ZNF37A: variants seen among roughly 807,000 people sequenced by gnomAD.
ZNF37A encodes zinc finger protein 37A, also known as zinc finger protein 37a (KOX 21).
ZNF37A carries 10 observed loss-of-function variants against 12.3 expected under a neutral mutation model. That is an observed-to-expected ratio of 0.82 (90% CI 0.50 to 1.38). The LOEUF is 1.38. Ranked by LOEUF, ZNF37A falls within the 40% of genes most tolerant of loss-of-function variation. The pLI, the probability that ZNF37A is intolerant of heterozygous loss-of-function variation, is 0.00. For missense variants in ZNF37A, 580 were observed against 651.2 expected (o/e 0.89, Z 1.19); for synonymous variants, 207 against 223.0 (o/e 0.93, Z 0.64).
chr10:38,113,029 A>G (rs535465024), intron 5 of ZNF37A, among the ~76,000 whole-genome samples: 14 of 151,944 alleles, frequency 9.2e-5, no homozygotes, highest in Admixed American at 4.6e-4. Context: ...GCTGGTCTTG[A>G]ACTCCTGACC....
intron 7 of ZNF37A, chr10:38,139,484 C>T (rs1034995687): frequency 6.6e-6 from 1 of 152,206 alleles, no homozygotes; most frequent in African/African-American, 2.4e-5. Flanking sequence ...TCTCCTGCCT[C>T]AGCCTCCTGA....
At chr10:38,100,417 C>T (rs923635026) in intron 5 of ZNF37A, among the ~76,000 whole-genome samples, 1 of 152,180 alleles carries the variant, frequency 6.6e-6, no homozygotes, top group African/African-American at 2.4e-5. Flanking sequence ...TTCACCCCTA[C>T]AGCCTACAGA....
chr10:38,110,388 G>A (rs1381196323), intron 5 of ZNF37A, among the ~76,000 whole-genome samples: 1 of 151,966 alleles, frequency 6.6e-6, no homozygotes, highest in African/African-American at 2.4e-5. Flanking sequence ...AAACCCTAGA[G>A]GAAAACCTAG....
At position 38,114,746 on chromosome 10, in the gene ZNF37A, A is replaced by AT. The variant is rs752681795; in HGVS notation, c.16-5dup. ...TCACTTCAGACTGAGCAAAATTGTG[A>AT]TTTTCCAGGGATCAGTGTCGTTTAG... On this transcript the variant is annotated splice_polypyrimidine_tract_variant and intron_variant, in intron 5 of 7. Coordinates refer to ENST00000685332, the MANE Select transcript of ZNF37A (RefSeq NM_001324250.3). 2 of 1,613,958 alleles carry AT rather than the reference A, an allele frequency of 1.2e-6. No individual in the cohort carries two copies. The highest frequency in any genetic ancestry group is 1.7e-5 in the Admixed American group (1 of 59,968).
In ZNF37A at chr10:38,117,701, G is replaced by A. The variant is rs147434396; in HGVS notation, c.550G>A (p.Asp184Asn). 786 of 1,613,920 alleles carry A rather than the reference G, an allele frequency of 4.9e-4. 3 individuals are homozygous for A. The African/African-American group carries it at 9.2e-3, about 19-fold the overall frequency. ...CKYTEHGKTC[D>N]MSFFITHQQT... Reference sequence around the variant, plus strand: ...ATATACTGAACATGGGAAAACCTGTGATATGTCATTTTTCATCACTCATCA... The same window carrying A: ...ATATACTGAACATGGGAAAACCTGTAATATGTCATTTTTCATCACTCATCA... The change falls in exon 8 of 8, where the codon GAT becomes AAT. Residue 184 changes from aspartate (D) to asparagine (N), a missense_variant. Transcript: ENST00000685332.
rs777286666 is a variant in ZNF37A at position 38,114,772 on chromosome 10, G to A, written c.33G>A (p.Arg11=). 1.5e-5 allele frequency: 24 copies of A among 1,613,864 alleles called. No homozygotes were observed. Among genetic ancestry groups the A allele is most frequent in the Non-Finnish European group, 1.9e-5 (23 of 1,179,986 alleles). ...TTTTCCAGGGATCAGTGTCGTTTAGGGATGTGACTGTGGGCTTCACTCAAG... is the reference window on the plus strand; with the variant it reads ...TTTTCCAGGGATCAGTGTCGTTTAGAGATGTGACTGTGGGCTTCACTCAAG... MITSQGSVSF[R]DVTVGFTQEE... is the part of the protein sequence containing the mutation. The change falls in exon 6 of 8, where the codon AGG becomes AGA. Residue 11 remains arginine, a synonymous_variant. Coordinates refer to ENST00000685332, the MANE Select transcript of ZNF37A (RefSeq NM_001324250.3).
At chr10:38,096,328 C>A (rs931360656) in intron 4 of ZNF37A, among the ~76,000 whole-genome samples, 2 of 152,160 alleles carry the variant, frequency 1.3e-5, no homozygotes, top group South Asian at 2.1e-4. Flanking sequence ...TTTGGCTTTT[C>A]CTAACTTGCT....
At position 38,118,676 on chromosome 10, in the gene ZNF37A, A is replaced by G. The variant is rs1257295006; in HGVS notation, c.1525A>G (p.Lys509Glu). 1.2e-6 allele frequency: 2 copies of G among 1,607,524 alleles called. No homozygotes were observed. Among genetic ancestry groups the G allele is most frequent in the Non-Finnish European group, 1.7e-6 (2 of 1,177,570 alleles). The change falls in exon 8 of 8, where the codon AAA (lysine) becomes GAA (glutamate). Residue 509 changes from lysine to glutamate, a missense_variant. Lys to Glu is a moderately conservative substitution (Grantham distance 56). Transcript: ENST00000685332. ...QCGKSFCVKS[K>E]LIAHHRTHTG... ...TGGAAAATCATTCTGTGTGAAGTCA[A>G]AACTCATTGCACATCATAGAACACA...
At chr10:38,108,337 C>A (rs1393646053) in intron 5 of ZNF37A, among the ~76,000 whole-genome samples, 1 of 152,138 alleles carries the variant, frequency 6.6e-6, no homozygotes, top group Non-Finnish European at 1.5e-5. Flanking sequence ...ATCTCTGGGA[C>A]ACATTTAAAG....
At chr10:38,132,045 A>C (rs1237023403) in intron 7 of ZNF37A, among the ~76,000 whole-genome samples, 1 of 152,150 alleles carries the variant, frequency 6.6e-6, no homozygotes, top group Non-Finnish European at 1.5e-5. Flanking sequence ...TTCTACATAT[A>C]GGTTCATGTC....
At chr10:38,128,288 A>G (rs550805981), downstream of ZNF37A, among the ~76,000 whole-genome samples, 3 of 152,304 alleles carry the variant, frequency 2.0e-5, no homozygotes, top group African/African-American at 2.4e-5. Context: ...CTAATTCATT[A>G]ATTTATGTCG....
intron 5 of ZNF37A, among the ~76,000 whole-genome samples, chr10:38,098,131 AGTTGTAT>A (rs1436477060): frequency 5.3e-5 from 8 of 152,194 alleles, no homozygotes. Flanking sequence ...TTTATGTTGT[AGTTGTAT>A]ATCAGTACTT....
chr10:38,119,352 C>T lies in ZNF37A; in HGVS notation c.*515C>T. ...AATCATTCTGTGTGAAGTCAAGAGG[C>T]CAGAGAAAATGCACAAACTGTAGGA... On this transcript the variant is annotated 3_prime_UTR_variant, in exon 8 of 8. Transcript: ENST00000685332. 9 of 1,004,276 alleles carry T rather than the reference C, an allele frequency of 9.0e-6. No individual in the cohort carries two copies. The highest frequency in any genetic ancestry group is 1.7e-5 in the African/African-American group (1 of 57,394). 62.2% of individuals were successfully genotyped at this position (1,004,276 alleles called of 1,614,324 possible).
At chr10:38,138,046 C>T (rs1276085888) in intron 7 of ZNF37A, 2 of 152,150 alleles carry the variant, frequency 1.3e-5, no homozygotes, top group Admixed American at 6.5e-5. Context: ...AAATAAATAA[C>T]TCTTTGTAAT....
intron 5 of ZNF37A, 41 bp from the exon 6 acceptor site, chr10:38,114,714 A>G: frequency 1.2e-6 from 2 of 1,613,648 alleles, no homozygotes; most frequent in Non-Finnish European, 8.5e-7. Flanking sequence ...ACGTCAACTG[A>G]TTCTTATCAC....
intron 7 of ZNF37A, chr10:38,117,113 ACAC>A (rs200285037): frequency 1.1e-4 from 98 of 928,170 alleles, no homozygotes; most frequent in East Asian, 2.4e-4. Flanking sequence ...TGTCTCAAAA[ACAC>A]CACCACCACC....
intron 5 of ZNF37A, among the ~76,000 whole-genome samples, chr10:38,108,067 C>T (rs1484129535): frequency 6.6e-6 from 1 of 152,180 alleles, no homozygotes; most frequent in Admixed American, 6.5e-5. Flanking sequence ...CTCAGCACCA[C>T]ATCACATTTA....
intron 7 of ZNF37A, chr10:38,142,405 T>G (rs1334064288): frequency 6.6e-6 from 1 of 152,192 alleles, no homozygotes; most frequent in African/African-American, 2.4e-5. Context: ...ACTCTTACCA[T>G]CAGAAAATAT....
rs149613679 is a variant in ZNF37A, at chr10:38,117,469, A to C, written c.318A>C (p.Glu106Asp). ...AAGGTGGAAAATGTTTCTGTGATGA[A>C]AAGCATGAAATAATTCATTCTGAAG... Reference protein sequence around the residue: ...FNKGGKCFCDEKHEIIHSEEE... With the variant: ...FNKGGKCFCDDKHEIIHSEEE... The change falls in exon 8 of 8, where the codon GAA becomes GAC. Residue 106 changes from glutamate (E) to aspartate (D), a missense_variant. Coordinates refer to ENST00000685332, the MANE Select transcript of ZNF37A (RefSeq NM_001324250.3). The C allele has an allele frequency of 1.6e-4, 251 of 1,609,568 alleles. No individual in the cohort carries two copies. Among genetic ancestry groups the C allele is most frequent in the Non-Finnish European group, 1.9e-4 (224 of 1,178,932 alleles).
Sources: allele counts gnomAD v4.1 joint callset (sites outside exome capture counted in the v4.1 genomes callset), GRCh38; gene constraint gnomAD v4.1.1; transcripts MANE v1.5; gene names NCBI Gene and HGNC (gene_info 2026-07-23, HGNC 2026-07-21).